STK38L: variants seen among roughly 807,000 people sequenced by gnomAD.
STK38L encodes serine/threonine kinase 38 like.
A neutral mutation model predicts 59.7 loss-of-function variants in STK38L; 28 were observed. The ratio of observed to expected loss-of-function variants is 0.47; its 90% CI spans 0.35 to 0.64. The LOEUF is 0.64. STK38L is among the 30% of genes least tolerant of loss of function. The probability of loss-of-function intolerance (pLI) is 0.01; values close to 1 mark genes in which losing one functional copy is unlikely to be tolerated. For synonymous variants in STK38L, 162 were observed against 176.8 expected (o/e 0.92, Z 0.66); for missense variants, 314 against 555.8 (o/e 0.56, Z 4.37).
intron 1 of STK38L, among the ~76,000 whole-genome samples, chr12:27,278,708 A>G (rs148833870): frequency 6.6e-6 from 1 of 152,336 alleles, no homozygotes; most frequent in African/African-American, 2.4e-5. Context: ...ATAACAATGT[A>G]AGCTTGGATG....
At chr12:27,249,590 G>A (rs1473716388) in intron 1 of STK38L, among the ~76,000 whole-genome samples, 2 of 152,048 alleles carry the variant, frequency 1.3e-5, no homozygotes, top group Non-Finnish European at 2.9e-5. Flanking sequence ...CGCCCGCCTC[G>A]GCCTCCCAAA....
intron 1 of STK38L, among the ~76,000 whole-genome samples, chr12:27,286,263 A>G (rs1943770667): frequency 1.3e-5 from 2 of 152,106 alleles, no homozygotes; most frequent in South Asian, 4.2e-4. Context: ...CCTGCCCCCA[A>G]ACATCCAGCA....
At chr12:27,306,533 A>G (rs1591925376) in intron 3 of STK38L, among the ~76,000 whole-genome samples, 1 of 152,134 alleles carries the variant, frequency 6.6e-6, no homozygotes, top group African/African-American at 2.4e-5. Context: ...TGTGCAAAAA[A>G]GGGTATTTGT....
chr12:27,309,097 T>A lies in STK38L; in HGVS notation c.310-17T>A. The A allele has an allele frequency of 1.3e-6, 2 of 1,548,738 alleles. No homozygotes were observed. The highest frequency in any genetic ancestry group is 1.7e-6 in the Non-Finnish European group (2 of 1,148,332). ...ATAGTAGTGACTGTTTTATAATATATGTTTTTTATCTTTTAGGTGCGGTTG... is the reference window on the plus strand; with the variant it reads ...ATAGTAGTGACTGTTTTATAATATAAGTTTTTTATCTTTTAGGTGCGGTTG... On this transcript the variant is annotated splice_polypyrimidine_tract_variant and intron_variant, in intron 4 of 13. Coordinates refer to ENST00000389032, the MANE Select transcript of STK38L (RefSeq NM_015000.4).
At chr12:27,315,219 T>G (rs1463632028) in intron 8 of STK38L, 70 bp from the exon 9 acceptor site, 1 of 1,574,030 alleles carries the variant, frequency 6.4e-7, no homozygotes, top group Non-Finnish European at 8.7e-7. Context: ...GTGTTTTAGA[T>G]GTATATGTAT....
intron 6 of STK38L, among the ~76,000 whole-genome samples, chr12:27,313,575 G>GTTTCACCATGT (rs1314951324): frequency 6.6e-6 from 1 of 151,826 alleles, no homozygotes; most frequent in Middle Eastern, 3.2e-3. Context: ...TAGAGACGGG[G>GTTTCACCATGT]TTTCACCATG....
intron 2 of STK38L, among the ~76,000 whole-genome samples, chr12:27,298,722 A>G (rs1944091554): frequency 6.6e-6 from 1 of 152,188 alleles, no homozygotes; most frequent in Non-Finnish European, 1.5e-5. Context: ...ATACATGCAT[A>G]AAAGGAAGGA....
chr12:27,321,437 A>G (rs1944725801), intron 12 of STK38L, among the ~76,000 whole-genome samples: 1 of 152,172 alleles, frequency 6.6e-6, no homozygotes. Flanking sequence ...CCCTTCACCT[A>G]TGTGCCCCTT....
chr12:27,313,351 G>A (rs1944504984), intron 6 of STK38L, among the ~76,000 whole-genome samples: 1 of 151,932 alleles, frequency 6.6e-6, no homozygotes, highest in African/African-American at 2.4e-5. Context: ...GGCAATGGAG[G>A]GCAAAGAATT....
At position 27,302,234 on chromosome 12, in the gene STK38L, C is replaced by G. The variant is rs148664260; in HGVS notation, c.186+46C>G. 14,154 of 1,401,228 alleles carry G rather than the reference C, an allele frequency of 0.01. 113 individuals are homozygous for G. The highest frequency in any genetic ancestry group is 0.017 in the Middle Eastern group (94 of 5,462). The allele number at this position is 1,401,228 out of a possible 1,614,324, so 86.8% of individuals were successfully genotyped here. A position where few individuals can be genotyped will look rare whatever the true frequency, so the allele number is the denominator to read the frequency against. Reference sequence around the variant, plus strand: ...TACTGTACAAAAGCACCCCCAGTGACTTTTCATTCATTTGACATCAGGTAT... The same window carrying G: ...TACTGTACAAAAGCACCCCCAGTGAGTTTTCATTCATTTGACATCAGGTAT... On this transcript the variant is annotated intron_variant, in intron 3 of 13. Transcript: ENST00000389032.
At chr12:27,258,599 G>A (rs920750617) in intron 1 of STK38L, among the ~76,000 whole-genome samples, 1 of 151,174 alleles carries the variant, frequency 6.6e-6, no homozygotes, top group Admixed American at 6.5e-5. Context: ...AAAATGCTGG[G>A]ATTATAGGCG....
intron 1 of STK38L, among the ~76,000 whole-genome samples, chr12:27,252,589 A>G (rs1440100332): frequency 6.6e-6 from 1 of 152,194 alleles, no homozygotes; most frequent in African/African-American, 2.4e-5. Context: ...TTGTAGTACT[A>G]GGGAGTTGCC....
intron 1 of STK38L, among the ~76,000 whole-genome samples, chr12:27,288,522 A>G (rs1211731747): frequency 6.6e-6 from 1 of 152,104 alleles, no homozygotes; most frequent in Non-Finnish European, 1.5e-5. Context: ...CAAACCCACA[A>G]TTCAGAGCCA....
intron 1 of STK38L, among the ~76,000 whole-genome samples, chr12:27,289,240 A>C (rs1020550161): frequency 6.6e-6 from 1 of 152,216 alleles, no homozygotes; most frequent in African/African-American, 2.4e-5. Flanking sequence ...GTGATAGTTT[A>C]TCTAAACATT....
chr12:27,300,145 A>G (rs961598561), intron 2 of STK38L, among the ~76,000 whole-genome samples: 7 of 152,198 alleles, frequency 4.6e-5, no homozygotes. Flanking sequence ...TATTGAAAAA[A>G]AAAGTAGTCT....
chr12:27,269,028 CAGATAAGT>C (rs1305411331), intron 1 of STK38L, among the ~76,000 whole-genome samples: 1 of 152,104 alleles, frequency 6.6e-6, no homozygotes, highest in African/African-American at 2.4e-5. Context: ...AGCCTTTTGT[CAGATAAGT>C]AGATTGCAAA....
At chr12:27,274,731 C>T (rs1277192789) in intron 1 of STK38L, among the ~76,000 whole-genome samples, 2 of 152,206 alleles carry the variant, frequency 1.3e-5, no homozygotes, top group African/African-American at 4.8e-5. Flanking sequence ...GGAGAAATAA[C>T]TTGCATTTCC....
rs147743145 is a variant in STK38L, at chr12:27,271,702, T to C, written c.-11-26008T>C. Among the ~76,000 whole-genome samples the C allele has an allele frequency of 1.4e-4, 22 of 152,332 alleles. No homozygotes were observed. The East Asian group carries it at 3.7e-3, about 25-fold the overall frequency. On this transcript the variant is annotated intron_variant, in intron 1 of 13. Coordinates refer to ENST00000389032, the MANE Select transcript of STK38L (RefSeq NM_015000.4). ...ATGTGTCTACTCATTAGCTTTATTT[T>C]TGTATTTTTTATTTTGAGACGGAGT...
chr12:27,245,817 A>G (rs558684226), intron 1 of STK38L: 1 of 152,154 alleles, frequency 6.6e-6, no homozygotes. Context: ...ACAATGAATT[A>G]AAAAATGTTT....
Sources: gnomAD v4.1 joint callset for allele counts (sites outside exome capture counted in the v4.1 genomes callset) on GRCh38, gnomAD v4.1.1 for gene constraint, MANE v1.5 for transcripts, NCBI Gene and HGNC (gene_info 2026-07-23, HGNC 2026-07-21) for gene names.